The following TCTN1 variants were observed in gnomAD, a reference collection of about 807,000 sequenced individuals.
The protein encoded by TCTN1 is tectonic-1.
In TCTN1, 58 loss-of-function variants were observed where a neutral mutation model predicts 65.8. That is an observed-to-expected ratio of 0.88 (90% CI 0.71 to 1.10). TCTN1 has a LOEUF of 1.10. TCTN1 is among the 50% of genes least tolerant of loss of function. The pLI, the probability that TCTN1 is intolerant of heterozygous loss-of-function variation, is 0.00. For synonymous variants in TCTN1, 273 were observed against 289.1 expected, an observed-to-expected ratio of 0.94 and a Z score of 0.57; for missense variants, 645 against 719.4, an observed-to-expected ratio of 0.90 and a Z score of 1.18.
rs1341443782 is a variant in TCTN1, at chr12:110,614,138, C to T, written c.-45C>T. On this transcript the variant is annotated 5_prime_UTR_variant, in exon 1 of 15. Coordinates refer to ENST00000397659, the MANE Select transcript of TCTN1 (RefSeq NM_001082538.3). Reference sequence around the variant, plus strand: ...GCGCCTGGCTGTCGCGGTTGCCGGGCAACGCGCTGTCCATGTCGCGGGCCT... The same window carrying T: ...GCGCCTGGCTGTCGCGGTTGCCGGGTAACGCGCTGTCCATGTCGCGGGCCT... 6.5e-7 allele frequency: 1 copy of T among 1,541,474 alleles called. No homozygotes were observed. The highest frequency in any genetic ancestry group is 8.7e-7 in the Non-Finnish European group (1 of 1,144,928).
intron 6 of TCTN1, chr12:110,636,255 A>G (rs1228174039): frequency 6.3e-6 from 3 of 473,820 alleles, no homozygotes; most frequent in African/African-American, 5.9e-5. Flanking sequence ...GTGAGCTTCT[A>G]CCTGGAGGAA....
Position 110,614,532 on chromosome 12 carries a change from C to T in TCTN1, c.220+130C>T, listed in dbSNP as rs979850764. The stretch of plus-strand genomic sequence containing the variant: ...TGTGTGCAGACACTGCTGAGTGTTC[C>T]ATAAACGTCCATTCTCTAAACAATA... On this transcript the variant is annotated intron_variant, in intron 1 of 14. Coordinates refer to ENST00000397659, the MANE Select transcript of TCTN1 (RefSeq NM_001082538.3). The T allele has an allele frequency of 5.3e-6, 8 of 1,498,704 alleles. No homozygotes were observed. In the Admixed American group the frequency reaches 1.6e-4, roughly 29 times the overall value. 92.8% of individuals were successfully genotyped at this position (1,498,704 alleles called of 1,614,324 possible).
chr12:110,629,895 G>A (rs973270214), intron 4 of TCTN1: 2 of 152,182 alleles, frequency 1.3e-5, no homozygotes, highest in African/African-American at 4.8e-5. Context: ...TACACAACAT[G>A]GAATGCTAAG....
Position 110,639,568 on chromosome 12 carries a change from A to C in TCTN1, c.844-815A>C, listed in dbSNP as rs1442503831. On this transcript the variant is annotated intron_variant, in intron 7 of 14. Coordinates refer to ENST00000397659, the MANE Select transcript of TCTN1 (RefSeq NM_001082538.3). This position sits in a 1 kb window ranked among gnomAD's most constrained non-coding sequence, Gnocchi z 4.9. ...TTAAGGATATATATCCTGGGACTGC[A>C]TGTGAATGTGCATGTGTGGGTATGG... is the stretch of plus-strand genomic sequence containing the variant. Among the ~76,000 whole-genome samples, 1 of 152,064 alleles carries C rather than the reference A, an allele frequency of 6.6e-6. No individual in the cohort carries two copies. Among genetic ancestry groups the C allele is most frequent in the Non-Finnish European group, 1.5e-5 (1 of 68,026 alleles).
At chr12:110,645,839 C>G (rs1429339977) in intron 12 of TCTN1, 1 of 153,394 alleles carries the variant, frequency 6.5e-6, no homozygotes, top group Non-Finnish European at 1.4e-5. Context: ...CTTCAGACCT[C>G]TCATTATCCG....
Position 110,628,789 on chromosome 12 carries a change from T to G in TCTN1, c.495T>G (p.Ile165Met), listed in dbSNP as rs749417453. ...CAGATAAACCTGCATTATCCTTTAT[T>G]AATCCAGAAGTACCTGATGAAAACA... is the stretch of plus-strand genomic sequence containing the variant. ...ITNYKPALSF[I>M]NPEVPDENNF... Residue 165 changes from isoleucine (I) to methionine (M), a missense_variant, in exon 4 of 15, where the codon ATT becomes ATG. Coordinates refer to ENST00000397659, the MANE Select transcript of TCTN1 (RefSeq NM_001082538.3). The G allele has an allele frequency of 9.3e-6, 15 of 1,607,822 alleles. No homozygotes were observed. Among genetic ancestry groups the G allele is most frequent in the Non-Finnish European group, 1.2e-5 (14 of 1,174,986 alleles).
intron 10 of TCTN1, 194 bp downstream of exon 10, chr12:110,641,821 GT>G: frequency 1.7e-6 from 1 of 599,686 alleles, no homozygotes; most frequent in Non-Finnish European, 2.9e-6. Flanking sequence ...GAGACTGGCA[GT>G]TGGGGGTGAG....
chr12:110,632,519 G>C lies in TCTN1; in HGVS notation c.672G>C (p.Ser224=), dbSNP rs763386832. 6.2e-7 allele frequency: 1 copy of C among 1,613,980 alleles called. No homozygotes were observed. Among genetic ancestry groups the C allele is most frequent in the East Asian group, 2.2e-5 (1 of 44,878 alleles). Residue 224 remains serine (S), a synonymous_variant, in exon 5 of 15, where the codon TCG becomes TCC. Coordinates refer to ENST00000397659, the MANE Select transcript of TCTN1 (RefSeq NM_001082538.3). The stretch of plus-strand genomic sequence containing the variant: ...CAGATTCGTTTCTGAGATTTCCTTC[G>C]TCCCTGACATCATCTCTGTGCACTG... The part of the protein sequence containing the change: ...QTSDSFLRFP[S]SLTSSLCTDN...
chr12:110,648,817 T>C (rs1042463381), intron 14 of TCTN1: 1 of 327,510 alleles, frequency 3.1e-6, no homozygotes, highest in South Asian at 2.5e-5. Context: ...ACAGTAGTTG[T>C]TTTATTTTAT....
intron 7 of TCTN1, among the ~76,000 whole-genome samples, chr12:110,638,358 G>T (rs752240517): frequency 6.6e-6 from 1 of 152,222 alleles, no homozygotes; most frequent in Non-Finnish European, 1.5e-5. Context: ...GTAGGAATTT[G>T]TTTAAAATTT....
chr12:110,620,956 G>A (rs1233343988), intron 2 of TCTN1, among the ~76,000 whole-genome samples: 1 of 152,068 alleles, frequency 6.6e-6, no homozygotes, highest in Non-Finnish European at 1.5e-5. Context: ...GGGACTACAG[G>A]TGCACGCCAC....
intron 5 of TCTN1, among the ~76,000 whole-genome samples, chr12:110,632,874 A>G (rs1382596490): frequency 6.6e-6 from 1 of 152,124 alleles, no homozygotes; most frequent in Non-Finnish European, 1.5e-5. Flanking sequence ...AGCTCACTCA[A>G]TTGTTTAACA....
At chr12:110,635,798 T>C (rs1382483442) in intron 6 of TCTN1, 1 of 152,528 alleles carries the variant, frequency 6.6e-6, no homozygotes, top group Non-Finnish European at 1.5e-5. Flanking sequence ...ATTTAACCTT[T>C]CCCTCTCCCC....
rs1043335034 is a variant in TCTN1 at position 110,647,801 on chromosome 12, T to C, written c.1688T>C (p.Val563Ala). ...TILISTAVTFVDVSAPAEAGF... is the reference protein window; with the variant it reads ...TILISTAVTFADVSAPAEAGF... ...CTTATTTCCACTGCGGTTACTTTTG[T>C]GGATGTGTCTGCACCTGCAGAGGCA... The change falls in exon 14 of 15, where the codon GTG (valine) becomes GCG (alanine). Residue 563 changes from valine to alanine, a missense_variant. Coordinates refer to ENST00000397659, the MANE Select transcript of TCTN1 (RefSeq NM_001082538.3). The C allele has an allele frequency of 6.2e-7, 1 of 1,614,108 alleles. No individual in the cohort carries two copies. Among genetic ancestry groups the C allele is most frequent in the African/African-American group, 1.3e-5 (1 of 74,926 alleles).
intron 6 of TCTN1, chr12:110,636,279 G>A (rs2066560688): frequency 2.0e-6 from 1 of 504,748 alleles, no homozygotes; most frequent in African/African-American, 1.9e-5. Flanking sequence ...AAGATAGAAG[G>A]AAAACGCAAT....
chr12:110,647,492 A>G, intron 13 of TCTN1, 156 bp downstream of exon 13: 1 of 1,088,124 alleles, frequency 9.2e-7, no homozygotes, highest in Non-Finnish European at 1.3e-6. Flanking sequence ...AACACTGACG[A>G]TGGTTCTACT....
chr12:110,614,756 C>A (rs1022756927), intron 1 of TCTN1, among the ~76,000 whole-genome samples: 19 of 152,168 alleles, frequency 1.2e-4, no homozygotes, highest in Non-Finnish European at 2.9e-5. Flanking sequence ...CTTGGCTGCA[C>A]TGAACTTTCA....
chr12:110,640,319 T>C lies in TCTN1; in HGVS notation c.844-64T>C. 6.2e-7 allele frequency: 1 copy of C among 1,610,006 alleles called. No homozygotes were observed. The highest frequency in any genetic ancestry group is 8.5e-7 in the Non-Finnish European group (1 of 1,176,882). ...CAGGGGAGGTTTCTTTCCAGTTGGT[T>C]GGTTATTTTAGCCCATCCTCCCTGG... On this transcript the variant is annotated intron_variant, in intron 7 of 14. Coordinates refer to ENST00000397659, the MANE Select transcript of TCTN1 (RefSeq NM_001082538.3). This position sits in a 1 kb window ranked among gnomAD's most constrained non-coding sequence, Gnocchi z 4.9.
intron 4 of TCTN1, 124 bp downstream of exon 4, chr12:110,629,042 C>T (rs2066046198): frequency 2.8e-6 from 3 of 1,085,330 alleles, no homozygotes; most frequent in African/African-American, 1.6e-5. Context: ...GACTAAAAAA[C>T]TTAATGTTCA....
Sources: allele counts gnomAD v4.1 joint callset (sites outside exome capture counted in the v4.1 genomes callset), GRCh38; gene constraint gnomAD v4.1.1; non-coding constraint Gnocchi (gnomAD v3.1); transcripts MANE v1.5; gene names NCBI Gene and HGNC (gene_info 2026-07-23, HGNC 2026-07-21).